The following LRIF1 variants were observed in gnomAD, a reference collection of about 807,000 sequenced individuals.
LRIF1 encodes ligand dependent nuclear receptor interacting factor 1, also known as ligand-dependent nuclear receptor-interacting factor 1.
In LRIF1, 32 loss-of-function variants were observed where a neutral mutation model predicts 52.7. The observed-to-expected ratio is 0.61, with a 90% CI of 0.46 to 0.82. The LOEUF is 0.82. Among genes scored for constraint, LRIF1 ranks in the 40% least tolerant of loss-of-function variants. The probability of loss-of-function intolerance (pLI) is 0.00; values close to 1 mark genes in which losing one functional copy is unlikely to be tolerated. For missense variants in LRIF1, 887 were observed against 892.0 expected (o/e 0.99, Z 0.07); for synonymous variants, 323 against 317.4 (o/e 1.02, Z -0.19).
the LRIF1 span, among the ~76,000 whole-genome samples, chr1:110,927,085 T>C: frequency 6.6e-6 from 1 of 152,208 alleles, no homozygotes; most frequent in East Asian, 1.9e-4. Flanking sequence ...TCATTCACAC[T>C]ATACACATAA....
the LRIF1 span, among the ~76,000 whole-genome samples, chr1:110,903,312 C>T: frequency 6.6e-6 from 1 of 152,178 alleles, no homozygotes; most frequent in Non-Finnish European, 1.5e-5. Context: ...AGAGTGCTGG[C>T]ATCACCCTTC....
the LRIF1 span, among the ~76,000 whole-genome samples, chr1:110,934,744 G>T: frequency 1.3e-5 from 2 of 152,182 alleles, no homozygotes; most frequent in Admixed American, 6.5e-5. Context: ...GGCACCTCTG[G>T]ACCTACGCAG....
chr1:110,923,947 C>T, the LRIF1 span, among the ~76,000 whole-genome samples: 1 of 151,944 alleles, frequency 6.6e-6, no homozygotes, highest in Non-Finnish European at 1.5e-5. Context: ...AAACTAGAAA[C>T]AGGTTCTTTC....
At chr1:110,941,823 A>C in the LRIF1 span, 1 of 152,106 alleles carries the variant, frequency 6.6e-6, no homozygotes, top group Admixed American at 6.6e-5. Context: ...ACTGTACTTC[A>C]TCCTTGCTAA....
the LRIF1 span, chr1:110,939,247 G>T: frequency 1.3e-5 from 2 of 151,616 alleles, no homozygotes; most frequent in East Asian, 3.9e-4. Context: ...GCGTGTTGGC[G>T]GGCGCCTGTA....
the LRIF1 span, among the ~76,000 whole-genome samples, chr1:110,892,143 G>A: frequency 6.6e-6 from 1 of 152,348 alleles, no homozygotes; most frequent in East Asian, 1.9e-4. Flanking sequence ...GGTAGGAAGA[G>A]TTGTGAGTAG....
chr1:110,881,904 A>G, the LRIF1 span, among the ~76,000 whole-genome samples: 2 of 152,168 alleles, frequency 1.3e-5, no homozygotes, highest in African/African-American at 2.4e-5. Flanking sequence ...TGCCATCCAT[A>G]TAGTATCTTC....
At chr1:110,962,916 A>T (rs549179119) in intron 1 of LRIF1, among the ~76,000 whole-genome samples, 16 of 142,420 alleles carry the variant, frequency 1.1e-4, no homozygotes, top group East Asian at 4.3e-4. Context: ...AATACAATTT[A>T]AAAAAAAAAA....
Position 110,963,633 on chromosome 1 carries a change from T to G in LRIF1, c.56A>C (p.Asn19Thr), listed in dbSNP as rs1408495617. The change falls in exon 1 of 4, where the codon AAC (asparagine) becomes ACC (threonine). Residue 19 changes from asparagine to threonine, a missense_variant. Physicochemically the swap from Asn to Thr is moderately conservative, Grantham distance 65 (BLOSUM62 0). Coordinates refer to ENST00000369763, the MANE Select transcript of LRIF1 (RefSeq NM_018372.4). ...FLKPAEENSG[N>T]ASRCVSGCMY... ...AACCGGTACTTACCAACGCGAGGCG[T>G]TGCCTGAATTTTCCTCTGCGGGTTT... is the stretch of plus-strand genomic sequence containing the variant. 4 of 1,609,174 alleles carry G rather than the reference T, an allele frequency of 2.5e-6. No homozygotes were observed. Among genetic ancestry groups the G allele is most frequent in the Non-Finnish European group, 2.6e-6 (3 of 1,176,272 alleles).
At chr1:110,906,035 G>T in the LRIF1 span, among the ~76,000 whole-genome samples, 2 of 150,812 alleles carry the variant, frequency 1.3e-5, no homozygotes, top group Non-Finnish European at 3.0e-5. Flanking sequence ...GGATGCACAA[G>T]GAATAAAAAG....
chr1:110,963,722 A>G lies in LRIF1; in HGVS notation c.-34T>C. On this transcript the variant is annotated 5_prime_UTR_variant, in exon 1 of 4. Transcript: ENST00000369763. ...GGAGAAAGGGGACACCTCATCCAGA[A>G]AAGTGGGAAGCGTGGGGCCGAGTTT... The G allele has an allele frequency of 6.4e-7, 1 of 1,557,980 alleles. No individual in the cohort carries two copies. Among genetic ancestry groups the G allele is most frequent in the Admixed American group, 1.7e-5 (1 of 57,398 alleles).
At chr1:110,890,655 G>C in the LRIF1 span, among the ~76,000 whole-genome samples, 1 of 152,198 alleles carries the variant, frequency 6.6e-6, no homozygotes, top group South Asian at 2.1e-4. Context: ...TTCTAGAATT[G>C]AGAACCAGAC....
At chr1:110,900,267 G>A in the LRIF1 span, among the ~76,000 whole-genome samples, 33 of 152,208 alleles carry the variant, frequency 2.2e-4, no homozygotes, top group Admixed American at 1.2e-3. Context: ...GCCTTTCCAC[G>A]GGGCTTCCTT....
intron 1 of LRIF1, among the ~76,000 whole-genome samples, chr1:110,955,578 A>T (rs1302472693): frequency 6.6e-6 from 1 of 152,214 alleles, no homozygotes; most frequent in Non-Finnish European, 1.5e-5. Flanking sequence ...AAAGTTTCTG[A>T]GATGCCAAAT....
At chr1:110,922,553 G>A in the LRIF1 span, among the ~76,000 whole-genome samples, 1 of 152,188 alleles carries the variant, frequency 6.6e-6, no homozygotes, top group African/African-American at 2.4e-5. Flanking sequence ...AGTAAAGATA[G>A]AGAAGATTTA....
the LRIF1 span, among the ~76,000 whole-genome samples, chr1:110,932,692 C>T: frequency 6.6e-6 from 1 of 152,136 alleles, no homozygotes; most frequent in Non-Finnish European, 1.5e-5. Context: ...TACAAAGCTG[C>T]TATCTTTCTG....
At position 110,948,390 on chromosome 1, in the gene LRIF1, C is replaced by A; in HGVS notation, c.1879G>T (p.Asp627Tyr). ...KEGERKQQNF[D>Y]KKRKAKTNKK... ...TTAGTTTTTGCTTTTCTTTTCTTAT[C>A]AAAATTCTGCTGCAATATTGAATAA... Residue 627 changes from aspartate (D) to tyrosine (Y), a missense_variant, in exon 4 of 4, where the codon GAT becomes TAT. Asp to Tyr is a radical substitution (Grantham distance 160). Coordinates refer to ENST00000369763, the MANE Select transcript of LRIF1 (RefSeq NM_018372.4). 1 of 1,608,684 alleles carries A rather than the reference C, an allele frequency of 6.2e-7. No homozygotes were observed. The highest frequency in any genetic ancestry group is 1.1e-5 in the South Asian group (1 of 90,498).
the LRIF1 span, among the ~76,000 whole-genome samples, chr1:110,891,654 C>A: frequency 6.6e-6 from 1 of 152,082 alleles, no homozygotes; most frequent in African/African-American, 2.4e-5. Context: ...AATAAACCTG[C>A]AAAATTGAAA....
the LRIF1 span, among the ~76,000 whole-genome samples, chr1:110,898,871 G>A: frequency 1.3e-5 from 2 of 152,262 alleles, no homozygotes; most frequent in African/African-American, 4.8e-5. Flanking sequence ...CAAGGCTTCT[G>A]TGACTTCCTC....
Sources: allele counts gnomAD v4.1 joint callset (sites outside exome capture counted in the v4.1 genomes callset), GRCh38; gene constraint gnomAD v4.1.1; transcripts MANE v1.5; gene names NCBI Gene and HGNC (gene_info 2026-07-23, HGNC 2026-07-21).